The following ZFAT variants were observed in gnomAD, a reference collection of about 807,000 sequenced individuals.
The protein encoded by ZFAT is zinc finger and AT-hook domain containing.
A neutral mutation model predicts 117.7 loss-of-function variants in ZFAT; 64 were observed. The ratio of observed to expected loss-of-function variants is 0.54; its 90% confidence interval spans 0.44 to 0.67. The LOEUF is 0.67. Among genes scored for constraint, ZFAT ranks in the 30% least tolerant of loss-of-function variants. The pLI, the probability that ZFAT is intolerant of heterozygous loss-of-function variation, is 0.00. For synonymous variants in ZFAT, 679 were observed against 615.0 expected (o/e 1.10, Z -1.54); for missense variants, 1,433 against 1,584.5 (o/e 0.90, Z 1.62).
the ZFAT span, among the ~76,000 whole-genome samples, chr8:134,734,320 A>G: frequency 6.6e-6 from 1 of 152,154 alleles, no homozygotes; most frequent in African/African-American, 2.4e-5. Context: ...CCTCCACTTC[A>G]GGCTGTTCCT....
chr8:134,614,553 C>T (rs1828584067), intron 3 of ZFAT, among the ~76,000 whole-genome samples: 1 of 152,214 alleles, frequency 6.6e-6, no homozygotes, highest in Non-Finnish European at 1.5e-5. Context: ...GTTGACATGC[C>T]TTATCCATAT....
chr8:134,586,189 A>G (rs903002103), intron 9 of ZFAT, among the ~76,000 whole-genome samples: 2 of 152,246 alleles, frequency 1.3e-5, no homozygotes, highest in Non-Finnish European at 2.9e-5. Flanking sequence ...AGGATACAGC[A>G]GCCTTTCGCT....
rs537005058 is a variant in ZFAT at position 134,583,702 on chromosome 8, C to G, written c.2887+130G>C. On this transcript the variant is annotated intron_variant, in intron 10 of 15. Transcript: ENST00000377838. ...GAAGTCAGGCCTGGTCTTCACCGCT[C>G]TTCCAGAAGCTCCTTCTAACGGGCA... 5.9e-5 allele frequency: 69 copies of G among 1,162,942 alleles called. No homozygotes were observed. The African/African-American group carries it at 9.9e-4, about 17-fold the overall frequency. The allele number at this position is 1,162,942 out of a possible 1,614,324, so 72.0% of individuals were successfully genotyped here.
chr8:134,563,350 G>A (rs1225334362), intron 11 of ZFAT, among the ~76,000 whole-genome samples: 1 of 152,194 alleles, frequency 6.6e-6, no homozygotes, highest in African/African-American at 2.4e-5. Flanking sequence ...AGTGAGAAAA[G>A]CACAAGACTA....
At chr8:134,719,499 G>T in the ZFAT span, among the ~76,000 whole-genome samples, 7 of 152,158 alleles carry the variant, frequency 4.6e-5, no homozygotes, top group Non-Finnish European at 1.0e-4. Context: ...TTTGATTTAA[G>T]GGCTGCCGCC....
chr8:134,666,266 A>G (rs753108381), intron 1 of ZFAT, among the ~76,000 whole-genome samples: 1 of 151,694 alleles, frequency 6.6e-6, no homozygotes, highest in Non-Finnish European at 1.5e-5. Context: ...CTAAACTTCT[A>G]CCCCCCATTG....
the ZFAT span, among the ~76,000 whole-genome samples, chr8:134,802,890 A>G: frequency 1.3e-5 from 2 of 152,322 alleles, no homozygotes. Flanking sequence ...TCAATTGCTA[A>G]CCTTATAGGC....
At chr8:134,575,464 C>A (rs1388948383) in intron 10 of ZFAT, among the ~76,000 whole-genome samples, 1 of 152,222 alleles carries the variant, frequency 6.6e-6, no homozygotes, top group Non-Finnish European at 1.5e-5. Context: ...GATGCAGAGA[C>A]AGGTTCCCCT....
At chr8:134,569,317 G>A (rs1456183043) in intron 10 of ZFAT, among the ~76,000 whole-genome samples, 1 of 152,026 alleles carries the variant, frequency 6.6e-6, no homozygotes, top group African/African-American at 2.4e-5. Context: ...CAAATAAGTG[G>A]CAGAGCCCAG....
At chr8:134,775,251 C>A in the ZFAT span, among the ~76,000 whole-genome samples, 3 of 152,210 alleles carry the variant, frequency 2.0e-5, no homozygotes, top group Non-Finnish European at 2.9e-5. Context: ...ACTGTCTTGT[C>A]CCCTTAGGGC....
intron 11 of ZFAT, among the ~76,000 whole-genome samples, chr8:134,537,061 T>C (rs1355895045): frequency 1.3e-5 from 2 of 152,224 alleles, no homozygotes; most frequent in South Asian, 2.1e-4. Context: ...AGATCTAACA[T>C]GATAAATATT....
At chr8:134,521,622 C>T (rs2130475116) in intron 12 of ZFAT, among the ~76,000 whole-genome samples, 1 of 152,030 alleles carries the variant, frequency 6.6e-6, no homozygotes, top group East Asian at 1.9e-4. Flanking sequence ...GAATGTACAA[C>T]TCTAGGTTTA....
chr8:134,569,291 A>G (rs1159525711), intron 10 of ZFAT, among the ~76,000 whole-genome samples: 3 of 152,160 alleles, frequency 2.0e-5, no homozygotes, highest in Non-Finnish European at 4.4e-5. Context: ...TTATTTGAAA[A>G]TACAGCTTAT....
the ZFAT span, among the ~76,000 whole-genome samples, chr8:134,816,926 A>G: frequency 2.0e-5 from 3 of 151,700 alleles, no homozygotes; most frequent in East Asian, 1.9e-4. Flanking sequence ...GGTTGCAGTG[A>G]GCAGAGATCA....
intron 15 of ZFAT, among the ~76,000 whole-genome samples, chr8:134,494,461 G>A (rs1008497850): frequency 5.3e-5 from 8 of 152,100 alleles, no homozygotes; most frequent in Non-Finnish European, 1.2e-4. Flanking sequence ...GCCTGCTGGG[G>A]AAGCGCCTGG....
chr8:134,685,086 C>T (rs1008161264), intron 1 of ZFAT, among the ~76,000 whole-genome samples: 3 of 152,204 alleles, frequency 2.0e-5, no homozygotes, highest in African/African-American at 2.4e-5. Flanking sequence ...GTCACACAGA[C>T]GTTCCTATTA....
At chr8:134,492,682 C>T (rs1818136879) in intron 15 of ZFAT, among the ~76,000 whole-genome samples, 1 of 152,140 alleles carries the variant, frequency 6.6e-6, no homozygotes. Flanking sequence ...TTTCACAACC[C>T]TAGGTGAAGA....
chr8:134,507,489 C>G (rs1323679014), intron 15 of ZFAT, among the ~76,000 whole-genome samples: 3 of 152,146 alleles, frequency 2.0e-5, no homozygotes, highest in African/African-American at 7.2e-5. Flanking sequence ...TGCAGTTCCC[C>G]ACGACTGTGT....
At chr8:134,674,993 T>C (rs569389950) in intron 1 of ZFAT, 2 of 152,448 alleles carry the variant, frequency 1.3e-5, no homozygotes, top group East Asian at 3.9e-4. Flanking sequence ...TCAACGAAGA[T>C]GTGGAGAAAC....
Sources: allele counts gnomAD v4.1 joint callset (sites outside exome capture counted in the v4.1 genomes callset), GRCh38; gene constraint gnomAD v4.1.1; transcripts MANE v1.5; gene names NCBI Gene and HGNC (gene_info 2026-07-23, HGNC 2026-07-21).